The following CNTN4 variants were observed in gnomAD, a reference collection of about 807,000 sequenced individuals.
The protein encoded by CNTN4 is contactin 4.
Under a neutral mutation model 122.5 loss-of-function variants are expected in CNTN4, and 77 were observed. The observed-to-expected ratio is 0.63, with a 90% CI of 0.52 to 0.76. The LOEUF is 0.76. CNTN4 is among the 30% of genes least tolerant of loss of function. CNTN4 has a pLI of 0.00. For missense variants in CNTN4, 1,256 were observed against 1,259.1 expected (o/e 1.00, Z 0.04); for synonymous variants, 512 against 447.0 (o/e 1.15, Z -1.83).
At chr3:3,032,200 A>G (rs1476055792) in intron 16 of CNTN4, among the ~76,000 whole-genome samples, 2 of 152,194 alleles carry the variant, frequency 1.3e-5, no homozygotes, top group African/African-American at 2.4e-5. Flanking sequence ...ACTTATAGAA[A>G]TGTGTTTATT....
intron 4 of CNTN4, among the ~76,000 whole-genome samples, chr3:2,601,774 G>A (rs1228984176): frequency 1.3e-5 from 2 of 151,934 alleles, no homozygotes; most frequent in South Asian, 2.1e-4. Flanking sequence ...CCAAAGCCTG[G>A]CAGAGACACA....
chr3:2,236,788 T>C lies in CNTN4; in HGVS notation c.-144-102390T>C, dbSNP rs144413582. On this transcript the variant is annotated intron_variant, in intron 2 of 24. Coordinates refer to ENST00000418658, the MANE Select transcript of CNTN4 (RefSeq NM_175607.3). Reference sequence around the variant, plus strand: ...ACATCAGGATGCCACTCTCATTTGGTGGGCAGTTAAGGCTGCAGTCACAAA... The same window carrying C: ...ACATCAGGATGCCACTCTCATTTGGCGGGCAGTTAAGGCTGCAGTCACAAA... 7.2e-5 allele frequency among the ~76,000 whole-genome samples: 11 copies of C among 152,270 alleles called. No individual in the cohort carries two copies. The East Asian group carries it at 7.7e-4, about 11-fold the overall frequency.
At position 3,037,126 on chromosome 3, in the gene CNTN4, C is replaced by CA. The variant is rs1165911558; in HGVS notation, c.1943-52dup. On this transcript the variant is annotated intron_variant, in intron 17 of 24. Coordinates refer to ENST00000418658, the MANE Select transcript of CNTN4 (RefSeq NM_175607.3). ...TCCTATCTTCCTAACGTAATCTCTG[C>CA]ATTTGTTTTCTGAGAACCTATGAAA... is the stretch of plus-strand genomic sequence containing the variant. 36 of 1,589,848 alleles carry CA rather than the reference C, an allele frequency of 2.3e-5. No individual in the cohort carries two copies. In the African/African-American group the frequency reaches 2.8e-4, roughly 13 times the overall value.
intron 3 of CNTN4, chr3:2,511,718 C>G (rs950668117): frequency 3.3e-5 from 5 of 152,282 alleles, no homozygotes; most frequent in South Asian, 2.1e-4. Flanking sequence ...GGTTTTACCC[C>G]CCTCTTTCTC....
chr3:2,684,172 G>A (rs1012081390), intron 4 of CNTN4, among the ~76,000 whole-genome samples: 1 of 152,116 alleles, frequency 6.6e-6, no homozygotes, highest in African/African-American at 2.4e-5. Flanking sequence ...ACAAGGGGAA[G>A]CCATTAACAT....
intron 2 of CNTN4, among the ~76,000 whole-genome samples, chr3:2,336,692 T>C (rs1502578): frequency 0.34 from 51,581 of 151,924 alleles, 9,697 homozygotes; most frequent in East Asian, 0.8. Context: ...AAATTATAGC[T>C]AAAACCTAAC....
intron 4 of CNTN4, among the ~76,000 whole-genome samples, chr3:2,581,548 T>G (rs1396063728): frequency 4.6e-5 from 7 of 152,206 alleles, no homozygotes; most frequent in African/African-American, 1.4e-4. Flanking sequence ...AAATACTGTT[T>G]TAACACATCC....
At chr3:2,989,270 G>C (rs1694849955) in intron 14 of CNTN4, among the ~76,000 whole-genome samples, 1 of 152,132 alleles carries the variant, frequency 6.6e-6, no homozygotes, top group Non-Finnish European at 1.5e-5. Context: ...GCTCAGGTTG[G>C]TGGTTCTCTC....
chr3:2,317,214 G>C (rs193158990), intron 2 of CNTN4, among the ~76,000 whole-genome samples: 1 of 152,200 alleles, frequency 6.6e-6, no homozygotes, highest in East Asian at 1.9e-4. Context: ...TAGACCTGAT[G>C]GATTATCATA....
At chr3:2,661,880 A>C (rs1190271391) in intron 4 of CNTN4, among the ~76,000 whole-genome samples, 1 of 152,052 alleles carries the variant, frequency 6.6e-6, no homozygotes, top group African/African-American at 2.4e-5. Flanking sequence ...AAATTTTAAG[A>C]ATACCCGTAA....
intron 14 of CNTN4, among the ~76,000 whole-genome samples, chr3:3,025,627 C>G (rs1340691021): frequency 1.3e-5 from 2 of 151,994 alleles, no homozygotes; most frequent in Non-Finnish European, 2.9e-5. Context: ...TTTTAATTTT[C>G]CTGAATTTCC....
intron 13 of CNTN4, among the ~76,000 whole-genome samples, chr3:2,986,950 T>C (rs985963158): frequency 1.3e-5 from 2 of 152,072 alleles, no homozygotes; most frequent in African/African-American, 2.4e-5. Flanking sequence ...AATTTCCTGA[T>C]TGAATTTAGT....
Position 2,849,807 on chromosome 3 carries a change from T to C in CNTN4, c.455-16945T>C, listed in dbSNP as rs140059940. Among the ~76,000 whole-genome samples the C allele has an allele frequency of 4.9e-4, 74 of 152,288 alleles. 1 individual carries two copies. In the East Asian group the frequency reaches 0.014, roughly 29 times the overall value. ...AAGAATGTAAATGAATCAGATAATG[T>C]GAGTCAGGTGGAGATCCACAGCCTT... On this transcript the variant is annotated intron_variant, in intron 7 of 24. Coordinates refer to ENST00000418658, the MANE Select transcript of CNTN4 (RefSeq NM_175607.3).
intron 4 of CNTN4, among the ~76,000 whole-genome samples, chr3:2,632,587 C>T (rs961633521): frequency 1.3e-5 from 2 of 152,108 alleles, no homozygotes; most frequent in South Asian, 2.1e-4. Flanking sequence ...TTGAGAGAAC[C>T]CTGAACAGTA....
chr3:3,040,225 A>T lies in CNTN4; in HGVS notation c.2352A>T (p.Gly784=), dbSNP rs749303485. Residue 784 remains glycine, a synonymous_variant, in exon 20 of 25, where the codon GGA becomes GGT. Transcript: ENST00000418658. ...AAGTAGGTGTCTTCAACAACAAAGG[A>T]GAAGGCCCTTTCAGTCCCACCACGG... ...EVKVGVFNNK[G]EGPFSPTTVV... is the part of the protein sequence containing the mutation. 1 of 1,614,220 alleles carries T rather than the reference A, an allele frequency of 6.2e-7. No individual in the cohort carries two copies. Among genetic ancestry groups the T allele is most frequent in the Admixed American group, 1.7e-5 (1 of 60,034 alleles).
intron 6 of CNTN4, among the ~76,000 whole-genome samples, chr3:2,802,119 A>C (rs1309603331): frequency 1.3e-5 from 2 of 152,136 alleles, no homozygotes; most frequent in East Asian, 1.9e-4. Context: ...TTTCATAATC[A>C]TTTTTATGCC....
chr3:2,535,201 G>A (rs1322724722), intron 3 of CNTN4, among the ~76,000 whole-genome samples: 8 of 152,230 alleles, frequency 5.3e-5, no homozygotes, highest in Admixed American at 2.6e-4. Flanking sequence ...CAAAAATAGA[G>A]CAAGTTTATT....
At chr3:2,109,269 G>A (rs182562671) in intron 2 of CNTN4, among the ~76,000 whole-genome samples, 19 of 152,122 alleles carry the variant, frequency 1.2e-4, no homozygotes, top group East Asian at 3.9e-4. Context: ...TAAAAGTGGC[G>A]CATTTGGGGG....
Position 2,915,764 on chromosome 3 carries a change from G to T in CNTN4, c.1208-9865G>T, listed in dbSNP as rs183838094. On this transcript the variant is annotated intron_variant, in intron 12 of 24. Coordinates refer to ENST00000418658, the MANE Select transcript of CNTN4 (RefSeq NM_175607.3). ...GATTTGCACACCTATATTAATTGCA[G>T]TATTATTCACAATAGTCAGGAGGTG... Among the ~76,000 whole-genome samples the T allele has an allele frequency of 3.9e-5, 6 of 152,196 alleles. No homozygotes were observed. In the East Asian group the frequency reaches 1.2e-3, roughly 29 times the overall value.
Sources: allele counts gnomAD v4.1 joint callset (sites outside exome capture counted in the v4.1 genomes callset), GRCh38; gene constraint gnomAD v4.1.1; transcripts MANE v1.5; gene names NCBI Gene and HGNC (gene_info 2026-07-23, HGNC 2026-07-21).